CCDC30: variants seen among roughly 807,000 people sequenced by gnomAD.
CCDC30 encodes the protein coiled-coil domain-containing protein 30.
CCDC30 carries 70 observed loss-of-function variants against 100.2 expected under a neutral mutation model. The observed-to-expected ratio is 0.70, with a 90% CI of 0.58 to 0.85. The LOEUF is 0.85. Ranked by LOEUF, CCDC30 falls within the 40% of genes least tolerant of loss-of-function variation. The pLI, the probability that CCDC30 is intolerant of heterozygous loss-of-function variation, is 0.00. For synonymous variants in CCDC30, 233 were observed against 269.5 expected (o/e 0.86, Z 1.33); for missense variants, 652 against 771.2 (o/e 0.85, Z 1.83).
the CCDC30 span, chr1:42,457,111 C>G: frequency 6.3e-7 from 1 of 1,575,436 alleles, no homozygotes; most frequent in Non-Finnish European, 8.6e-7. Flanking sequence ...CCTGGAAGCA[C>G]AGCCTTTCTT....
intron 10 of CCDC30, 67 bp from the exon 15 acceptor site, chr1:42,610,911 C>T (rs1468732879): frequency 4.5e-6 from 3 of 660,716 alleles, no homozygotes; most frequent in South Asian, 2.0e-5. Flanking sequence ...ACCAGAAAGA[C>T]TTTGCATTTC....
chr1:42,560,611 C>T (rs1645467595), intron 6 of CCDC30, among the ~76,000 whole-genome samples: 1 of 152,092 alleles, frequency 6.6e-6, no homozygotes, highest in Admixed American at 6.6e-5. Flanking sequence ...CCTCATGATC[C>T]TCCCACCTTG....
intron 10 of CCDC30, 78 bp from the exon 15 acceptor site, chr1:42,610,900 T>C: frequency 6.3e-6 from 4 of 629,928 alleles, no homozygotes; most frequent in Non-Finnish European, 1.1e-5. Context: ...TTTTTTTTTT[T>C]ACCAGAAAGA....
intron 6 of CCDC30, among the ~76,000 whole-genome samples, chr1:42,530,949 G>C (rs1644796250): frequency 6.6e-6 from 1 of 152,078 alleles, no homozygotes; most frequent in Admixed American, 6.5e-5. Context: ...GGGGACTGCT[G>C]TACTTTATTT....
chr1:42,653,959 A>T (rs116574353), exon 17 of CCDC30: 1 of 1,614,038 alleles, frequency 6.2e-7, no homozygotes, highest in African/African-American at 1.3e-5. Flanking sequence ...CTGAGGCTGG[A>T]TACATAAATG....
intron 1 of CCDC30, among the ~76,000 whole-genome samples, chr1:42,465,263 A>T (rs1159325113): frequency 1.3e-5 from 2 of 152,256 alleles, no homozygotes; most frequent in Non-Finnish European, 2.9e-5. Context: ...GTGAGCTATG[A>T]TCGCACCACT....
intron 6 of CCDC30, among the ~76,000 whole-genome samples, chr1:42,517,741 C>T (rs901921857): frequency 5.9e-5 from 9 of 152,244 alleles, no homozygotes; most frequent in African/African-American, 2.2e-4. Context: ...TTGATGGCTT[C>T]GTTCTACCAA....
intron 7 of CCDC30, among the ~76,000 whole-genome samples, chr1:42,575,912 A>G (rs1366179698): frequency 6.6e-6 from 1 of 152,178 alleles, no homozygotes; most frequent in Non-Finnish European, 1.5e-5. Flanking sequence ...GAAAAGGGAA[A>G]GCATTTCTGG....
intron 10 of CCDC30, among the ~76,000 whole-genome samples, chr1:42,601,415 C>T (rs1225576977): frequency 6.6e-6 from 1 of 152,150 alleles, no homozygotes; most frequent in Non-Finnish European, 1.5e-5. Flanking sequence ...TTATCTCAGC[C>T]AAAGGAGATG....
intron 6 of CCDC30, among the ~76,000 whole-genome samples, chr1:42,559,582 A>G (rs1324940307): frequency 6.6e-6 from 1 of 152,218 alleles, no homozygotes; most frequent in Non-Finnish European, 1.5e-5. Context: ...ACAATTCAAC[A>G]AGAAGAGCTA....
At chr1:42,540,266 G>A (rs1165846272) in intron 6 of CCDC30, among the ~76,000 whole-genome samples, 1 of 152,180 alleles carries the variant, frequency 6.6e-6, no homozygotes, top group East Asian at 1.9e-4. Context: ...ATGTGACATG[G>A]GAGGGAAAGG....
chr1:42,545,536 GA>G, intron 6 of CCDC30: 1 of 1,605,032 alleles, frequency 6.2e-7, no homozygotes, highest in Non-Finnish European at 8.5e-7. Context: ...ACCAATTTTG[GA>G]AACAGAAATT....
chr1:42,626,167 A>G (rs1330887809), intron 11 of CCDC30, among the ~76,000 whole-genome samples: 1 of 152,174 alleles, frequency 6.6e-6, no homozygotes, highest in African/African-American at 2.4e-5. Flanking sequence ...ATATAAGTAT[A>G]GCTACTTCTG....
At chr1:42,654,650 G>A (rs1648601653), downstream of CCDC30, 1 of 151,438 alleles carries the variant, frequency 6.6e-6, no homozygotes, top group African/African-American at 2.4e-5. Flanking sequence ...GGGTGACAGA[G>A]TGAGACTCCG....
chr1:42,531,272 A>G (rs936015831), intron 6 of CCDC30, among the ~76,000 whole-genome samples: 4 of 152,128 alleles, frequency 2.6e-5, no homozygotes. Context: ...AAGCTTCCTG[A>G]GGCCTCCCCA....
intron 1 of CCDC30, among the ~76,000 whole-genome samples, chr1:42,469,964 T>C (rs1411149423): frequency 6.6e-6 from 1 of 152,204 alleles, no homozygotes; most frequent in Non-Finnish European, 1.5e-5. Context: ...CATGAATTTG[T>C]AATGGTTCAG....
At chr1:42,549,015 A>C (rs1306161074) in intron 6 of CCDC30, among the ~76,000 whole-genome samples, 1 of 152,186 alleles carries the variant, frequency 6.6e-6, no homozygotes, top group Admixed American at 6.5e-5. Context: ...TTTGTCATAG[A>C]GTAACGGACT....
At chr1:42,642,750 A>G in intron 13 of CCDC30, 141 bp downstream of exon 17, 1 of 795,158 alleles carries the variant, frequency 1.3e-6, no homozygotes, top group Non-Finnish European at 1.8e-6. Context: ...TTTTTGGCAG[A>G]TCATACAAGT....
At chr1:42,531,320 AT>A (rs1644803225) in intron 6 of CCDC30, among the ~76,000 whole-genome samples, 1 of 152,206 alleles carries the variant, frequency 6.6e-6, no homozygotes, top group South Asian at 2.1e-4. Flanking sequence ...CTGTGAGTCA[AT>A]TAGACCTCTT....
Sources: allele counts gnomAD v4.1 joint callset (sites outside exome capture counted in the v4.1 genomes callset), GRCh38; gene constraint gnomAD v4.1.1; transcripts MANE v1.5; gene names NCBI Gene and HGNC (gene_info 2026-07-23, HGNC 2026-07-21).